The following CDH12 variants were observed in gnomAD, a reference collection of about 807,000 sequenced individuals.
CDH12 encodes cadherin-12.
CDH12 carries 41 observed loss-of-function variants against 74.1 expected under a neutral mutation model. The observed-to-expected ratio is 0.55, with a 90% CI of 0.43 to 0.72. CDH12 has a LOEUF of 0.72. CDH12 is among the 30% of genes least tolerant of loss of function. The probability of loss-of-function intolerance (pLI) is 0.00; values close to 1 mark genes in which losing one functional copy is unlikely to be tolerated. For synonymous variants in CDH12, 399 were observed against 355.0 expected (o/e 1.12, Z -1.39); for missense variants, 945 against 977.2 (o/e 0.97, Z 0.44).
intron 1 of CDH12, among the ~76,000 whole-genome samples, chr5:22,642,576 A>T (rs1236375303): frequency 6.6e-6 from 1 of 152,204 alleles, no homozygotes; most frequent in Non-Finnish European, 1.5e-5. Context: ...ACTGATCATG[A>T]TAGTTATGAA....
At chr5:21,757,544 C>T (rs538098699) in intron 13 of CDH12, among the ~76,000 whole-genome samples, 1 of 152,110 alleles carries the variant, frequency 6.6e-6, no homozygotes, top group Non-Finnish European at 1.5e-5. Context: ...TATTTTATTT[C>T]CTCTCTAAAT....
At chr5:22,093,406 A>C (rs560530778) in intron 4 of CDH12, among the ~76,000 whole-genome samples, 9 of 152,338 alleles carry the variant, frequency 5.9e-5, no homozygotes, top group African/African-American at 1.9e-4. Flanking sequence ...GCTCATTTAC[A>C]TAACACCATG....
intron 4 of CDH12, among the ~76,000 whole-genome samples, chr5:22,193,166 G>C (rs187544521): frequency 6.6e-6 from 1 of 152,256 alleles, no homozygotes; most frequent in East Asian, 1.9e-4. Flanking sequence ...GTTTTTGTTT[G>C]TTTGTTTGTT....
chr5:22,217,487 T>C (rs1336362353), intron 3 of CDH12, among the ~76,000 whole-genome samples: 3 of 151,706 alleles, frequency 2.0e-5, no homozygotes, highest in Non-Finnish European at 3.0e-5. Flanking sequence ...GAGTGCATAA[T>C]TAAAAGAAAA....
At chr5:22,622,736 A>G (rs1738042394) in intron 1 of CDH12, among the ~76,000 whole-genome samples, 1 of 152,208 alleles carries the variant, frequency 6.6e-6, no homozygotes, top group Admixed American at 6.5e-5. Context: ...GAATTCTACC[A>G]GAGGTACAAG....
intron 6 of CDH12, among the ~76,000 whole-genome samples, chr5:21,870,887 A>G (rs2150018834): frequency 6.6e-6 from 1 of 152,226 alleles, no homozygotes; most frequent in African/African-American, 2.4e-5. Context: ...GTATGCTACC[A>G]CACCCAGCTA....
At chr5:21,817,826 A>G (rs557699355) in intron 8 of CDH12, among the ~76,000 whole-genome samples, 2 of 152,014 alleles carry the variant, frequency 1.3e-5, no homozygotes, top group African/African-American at 4.8e-5. Context: ...TAAGAAAGAA[A>G]AAAAAGTAAA....
chr5:22,189,850 T>TCC (rs1554019138), intron 4 of CDH12, among the ~76,000 whole-genome samples: 1 of 152,088 alleles, frequency 6.6e-6, no homozygotes, highest in Admixed American at 6.5e-5. Context: ...TACCACATCT[T>TCC]CCCCCCGCCT....
intron 5 of CDH12, 22 bp downstream of exon 5, chr5:22,078,424 G>T: frequency 1.2e-6 from 2 of 1,606,812 alleles, no homozygotes; most frequent in East Asian, 2.2e-5. Context: ...TCAAGCGGTT[G>T]TCAAAAGAAA....
intron 6 of CDH12, among the ~76,000 whole-genome samples, chr5:21,970,874 A>AAAAAAAAAAAAAAAAAAC (rs1756822951): frequency 7.7e-6 from 1 of 129,656 alleles, no homozygotes; most frequent in Non-Finnish European, 1.6e-5. Context: ...AAAAAAAAAA[A>AAAAAAAAAAAAAAAAAAC]GAAAAAAGAA....
chr5:22,257,391 T>TA (rs1753356397), intron 3 of CDH12, among the ~76,000 whole-genome samples: 2 of 152,006 alleles, frequency 1.3e-5, no homozygotes, highest in African/African-American at 2.4e-5. Context: ...ATAATAAGGA[T>TA]ATTAAGAAAG....
At chr5:22,432,184 G>A (rs563791807) in intron 2 of CDH12, among the ~76,000 whole-genome samples, 1 of 152,118 alleles carries the variant, frequency 6.6e-6, no homozygotes, top group South Asian at 2.1e-4. Flanking sequence ...GATAGGATTA[G>A]ATACATAAAT....
At chr5:22,723,927 T>A (rs1407079421) in intron 1 of CDH12, among the ~76,000 whole-genome samples, 1 of 151,928 alleles carries the variant, frequency 6.6e-6, no homozygotes, top group Non-Finnish European at 1.5e-5. Flanking sequence ...TCACATACTG[T>A]GTAATGGAAA....
chr5:21,839,721 T>C (rs527788863), intron 8 of CDH12, among the ~76,000 whole-genome samples: 8 of 152,146 alleles, frequency 5.3e-5, no homozygotes, highest in Non-Finnish European at 8.8e-5. Flanking sequence ...TCGTAAACTC[T>C]CCTGGAGTGG....
At chr5:22,013,893 A>G (rs1331354887) in intron 5 of CDH12, among the ~76,000 whole-genome samples, 2 of 152,172 alleles carry the variant, frequency 1.3e-5, no homozygotes, top group Admixed American at 1.3e-4. Context: ...AGAAAAGAAA[A>G]GGGATTCTAC....
intron 4 of CDH12, among the ~76,000 whole-genome samples, chr5:22,083,305 C>T (rs180907153): frequency 4.5e-4 from 68 of 152,262 alleles, no homozygotes; most frequent in African/African-American, 1.6e-3. Context: ...TTCCTGAGTC[C>T]AAACTCCTTA....
chr5:22,152,812 C>A (rs1305223606), intron 4 of CDH12, among the ~76,000 whole-genome samples: 1 of 152,178 alleles, frequency 6.6e-6, no homozygotes, highest in Non-Finnish European at 1.5e-5. Context: ...AACCACTGTT[C>A]TCCTCTCTCT....
At chr5:22,673,523 AT>A (rs1433358602) in intron 1 of CDH12, among the ~76,000 whole-genome samples, 2 of 152,112 alleles carry the variant, frequency 1.3e-5, no homozygotes, top group Admixed American at 1.3e-4. Context: ...CTTAACACAG[AT>A]TTTTTATTAA....
At chr5:22,460,599 T>C (rs768693870) in intron 2 of CDH12, among the ~76,000 whole-genome samples, 1 of 152,110 alleles carries the variant, frequency 6.6e-6, no homozygotes, top group Non-Finnish European at 1.5e-5. Context: ...GTTTAAGAAG[T>C]TCCATAATGT....
Sources: gnomAD v4.1 joint callset for allele counts (sites outside exome capture counted in the v4.1 genomes callset) on GRCh38, gnomAD v4.1.1 for gene constraint, MANE v1.5 for transcripts, NCBI Gene and HGNC (gene_info 2026-07-23, HGNC 2026-07-21) for gene names.